Variants in CKAP4 observed in about 807,000 individuals in gnomAD.
CKAP4 encodes cytoskeleton associated protein 4.
CKAP4 carries 20 observed loss-of-function variants against 24.4 expected under a neutral mutation model. The ratio of observed to expected loss-of-function variants is 0.82; its 90% CI spans 0.58 to 1.19. The LOEUF (loss-of-function observed/expected upper bound fraction) is 1.19. Among genes scored for constraint, CKAP4 ranks in the 50% most tolerant of loss-of-function variants. The probability of loss-of-function intolerance (pLI) is 0.00; values close to 1 mark genes in which losing one functional copy is unlikely to be tolerated. For missense variants in CKAP4, 744 were observed against 765.3 expected, an observed-to-expected ratio of 0.97 and a Z score of 0.33; for synonymous variants, 378 against 351.7, an observed-to-expected ratio of 1.07 and a Z score of -0.84.
Position 106,239,000 on chromosome 12 carries a change from C to T in CKAP4, c.*24G>A. On this transcript the variant is annotated 3_prime_UTR_variant, in exon 2 of 2. Transcript: ENST00000378026. ...GGTCATGAGAAATTGGACTTTAAAT[C>T]CGCGCCCTGCACACGCAATTCATTT... 1 of 1,600,902 alleles carries T rather than the reference C, an allele frequency of 6.2e-7. No individual in the cohort carries two copies. Among genetic ancestry groups the T allele is most frequent in the Non-Finnish European group, 8.5e-7 (1 of 1,170,240 alleles).
At chr12:106,244,223 G>C (rs1330224504) in intron 1 of CKAP4, among the ~76,000 whole-genome samples, 1 of 152,232 alleles carries the variant, frequency 6.6e-6, no homozygotes, top group Non-Finnish European at 1.5e-5. Flanking sequence ...AGGCTAAATA[G>C]TGGAGTGGTT....
Position 106,237,994 on chromosome 12 carries a change from T to TTG in CKAP4, c.*1029_*1030insCA, listed in dbSNP as rs2033922602. 1 of 82,650 alleles carries TTG rather than the reference T, an allele frequency of 1.2e-5. No individual in the cohort carries two copies. The highest frequency in any genetic ancestry group is 3.1e-4 in the South Asian group (1 of 3,268). The allele number at this position is 82,650 out of a possible 1,614,324, so 5.1% of individuals were successfully genotyped here. ...TTTTTTTTTTTTTTACTTTTCGGGT[T>TTG]TTTTTTTTTTTTTTTTTTTCAATTT... On this transcript the variant is annotated 3_prime_UTR_variant, in exon 2 of 2. Transcript: ENST00000378026.
At position 106,239,115 on chromosome 12, in the gene CKAP4, T is replaced by C. The variant is rs751047592; in HGVS notation, c.1718A>G (p.Asn573Ser). 1.2e-6 allele frequency: 2 copies of C among 1,614,050 alleles called. No homozygotes were observed. The highest frequency in any genetic ancestry group is 1.7e-5 in the Admixed American group (1 of 60,028). Residue 573 changes from asparagine (N) to serine (S), a missense_variant, in exon 2 of 2, where the codon AAT becomes AGT. Asn to Ser is a conservative substitution (Grantham distance 46, BLOSUM62 1). Around this residue, in one of 3 missense-constraint regions of CKAP4, gnomAD observed 401 missense variants for 424.5 expected, o/e 0.94. Coordinates refer to ENST00000378026, the MANE Select transcript of CKAP4 (RefSeq NM_006825.4). The surrounding 1 kb of genome is among the most constrained non-coding windows in gnomAD (Gnocchi z 4.9). ...YSVKIETNEN[N>S]LESAKGLLDD... ...TAGTAAACCCTTGGCTGATTCCAGA[T>C]TGTTCTCGTTGGTTTCTATTTTGAC...
intron 1 of CKAP4, among the ~76,000 whole-genome samples, chr12:106,245,447 C>G (rs2034000684): frequency 6.6e-6 from 1 of 152,152 alleles, no homozygotes; most frequent in Non-Finnish European, 1.5e-5. Flanking sequence ...TCATTATACT[C>G]CAGCAGTATG....
Position 106,241,401 on chromosome 12 carries a change from C to T in CKAP4, c.484-1052G>A, listed in dbSNP as rs569880268. On this transcript the variant is annotated intron_variant, in intron 1 of 1. Transcript: ENST00000378026. Reference sequence around the variant, plus strand: ...AGGCTGGAGTGCAGTGGCGGGATCTCGGCTCACTGCAAGCTCCGCCTCCCG... The same window carrying T: ...AGGCTGGAGTGCAGTGGCGGGATCTTGGCTCACTGCAAGCTCCGCCTCCCG... 6.1e-3 allele frequency among the ~76,000 whole-genome samples: 886 copies of T among 144,218 alleles called. 6 individuals carry two copies. The highest frequency in any genetic ancestry group is 8.8e-3 in the Non-Finnish European group (589 of 67,036). 94.6% of individuals were successfully genotyped at this position (144,218 alleles called of 152,430 possible).
Position 106,247,822 on chromosome 12 carries a change from C to T in CKAP4, c.30G>A (p.Lys10=). 4.8e-6 allele frequency: 5 copies of T among 1,048,958 alleles called. No individual in the cohort carries two copies. Among genetic ancestry groups the T allele is most frequent in the Non-Finnish European group, 5.7e-6 (5 of 874,884 alleles). The allele number at this position is 1,048,958 out of a possible 1,614,324, so 65.0% of individuals were successfully genotyped here. The change falls in exon 1 of 2, where the codon AAG becomes AAA. Residue 10 remains lysine, a synonymous_variant. Coordinates refer to ENST00000378026, the MANE Select transcript of CKAP4 (RefSeq NM_006825.4). This position sits in a 1 kb window ranked among gnomAD's most constrained non-coding sequence, Gnocchi z 4.5. Reference sequence around the variant, plus strand: ...AGGGGCTCGCGGCGCCGTGGCCGCCCTTGGAGCCCCTTTGTTTGGCCGAGG... The same window carrying T: ...AGGGGCTCGCGGCGCCGTGGCCGCCTTTGGAGCCCCTTTGTTTGGCCGAGG... MPSAKQRGS[K]GGHGAASPSE... is the part of the protein sequence containing the mutation.
intron 1 of CKAP4, among the ~76,000 whole-genome samples, chr12:106,244,478 CTAAAT>C (rs1247493445): frequency 6.6e-6 from 1 of 152,192 alleles, no homozygotes; most frequent in African/African-American, 2.4e-5. Flanking sequence ...GATTACACTA[CTAAAT>C]TAAAAGAAAA....
At chr12:106,241,105 A>G (rs1018015161) in intron 1 of CKAP4, among the ~76,000 whole-genome samples, 2 of 152,174 alleles carry the variant, frequency 1.3e-5, no homozygotes, top group Non-Finnish European at 2.9e-5. Flanking sequence ...TTAAAAAATA[A>G]ATAAAATTTT....
Position 106,247,994 on chromosome 12 carries a change from G to T in CKAP4, c.-143C>A. ...CGTCGGAGCGGCGAGAGGACGCGCG[G>T]CCGGGGAAGGAGGCCGGGCCGAGGA... On this transcript the variant is annotated 5_prime_UTR_variant, in exon 1 of 2. Coordinates refer to ENST00000378026, the MANE Select transcript of CKAP4 (RefSeq NM_006825.4). This position sits in a 1 kb window ranked among gnomAD's most constrained non-coding sequence, Gnocchi z 4.5. 2 of 398,438 alleles carry T rather than the reference G, an allele frequency of 5.0e-6. No individual in the cohort carries two copies. The highest frequency in any genetic ancestry group is 2.2e-5 in the African/African-American group (1 of 45,594). 24.7% of individuals were successfully genotyped at this position (398,438 alleles called of 1,614,324 possible).
Position 106,240,168 on chromosome 12 carries a change from A to G in CKAP4, c.665T>C (p.Val222Ala). The G allele has an allele frequency of 6.2e-7, 1 of 1,614,134 alleles. No homozygotes were observed. Among genetic ancestry groups the G allele is most frequent in the South Asian group, 1.1e-5 (1 of 91,076 alleles). Residue 222 changes from valine (V) to alanine (A), a missense_variant, in exon 2 of 2, where the codon GTG becomes GCG. Coordinates refer to ENST00000378026, the MANE Select transcript of CKAP4 (RefSeq NM_006825.4). The part of the protein sequence containing the change: ...LKDLSDGIHV[V>A]KDARERDFTS... ...GAAGTCCCGCTCCCGGGCGTCCTTC[A>G]CCACATGGATCCCATCCGAGAGGTC...
chr12:106,239,914 T>C lies in CKAP4; in HGVS notation c.919A>G (p.Met307Val), dbSNP rs763436975. Residue 307 changes from methionine to valine, a missense_variant, in exon 2 of 2, where the codon ATG becomes GTG. Physicochemically the swap from Met to Val is conservative, Grantham distance 21. This residue lies in a region of CKAP4 where 401 missense variants were observed against 424.5 expected (regional missense o/e 0.94). Coordinates refer to ENST00000378026, the MANE Select transcript of CKAP4 (RefSeq NM_006825.4). This position sits in a 1 kb window ranked among gnomAD's most constrained non-coding sequence, Gnocchi z 4.9. ...TGAAGGGTACTTCTCAGGGCCTCCA[T>C]GTCCCACTCTCTGGACTTGGCTGAG... Reference protein sequence around the residue: ...QTSAKSREWDMEALRSTLQTM... With the variant: ...QTSAKSREWDVEALRSTLQTM... The C allele has an allele frequency of 4.6e-5, 74 of 1,614,144 alleles. No homozygotes were observed. Among genetic ancestry groups the C allele is most frequent in the Non-Finnish European group, 6.0e-5 (71 of 1,180,020 alleles).
At chr12:106,242,446 T>C (rs60738914) in intron 1 of CKAP4, among the ~76,000 whole-genome samples, 1 of 152,220 alleles carries the variant, frequency 6.6e-6, no homozygotes, top group African/African-American at 2.4e-5. Context: ...TCTGTAAGCA[T>C]GAAGAGTCAC....
chr12:106,242,187 T>C (rs1792573925), intron 1 of CKAP4, among the ~76,000 whole-genome samples: 1 of 152,252 alleles, frequency 6.6e-6, no homozygotes, highest in South Asian at 2.1e-4. Flanking sequence ...CGGACTCATA[T>C]GATTGTCTGT....
At chr12:106,240,862 T>C (rs944970025) in intron 1 of CKAP4, among the ~76,000 whole-genome samples, 4 of 152,028 alleles carry the variant, frequency 2.6e-5, no homozygotes, top group African/African-American at 9.7e-5. Flanking sequence ...AGCAGGAAAC[T>C]TACAGACTGA....
intron 1 of CKAP4, among the ~76,000 whole-genome samples, chr12:106,245,217 C>A (rs1303181973): frequency 6.6e-6 from 1 of 152,072 alleles, no homozygotes; most frequent in African/African-American, 2.4e-5. Flanking sequence ...ACTACCCTGG[C>A]CACCGGGATA....
At position 106,247,227 on chromosome 12, in the gene CKAP4, G is replaced by A. The variant is rs1019868142; in HGVS notation, c.483+142C>T. 22 of 661,410 alleles carry A rather than the reference G, an allele frequency of 3.3e-5. No individual in the cohort carries two copies. Among genetic ancestry groups the A allele is most frequent in the Non-Finnish European group, 4.6e-5 (19 of 416,430 alleles). 41.0% of individuals were successfully genotyped at this position (661,410 alleles called of 1,614,324 possible). A position where few individuals can be genotyped will look rare whatever the true frequency, so the allele number is the denominator to read the frequency against. On this transcript the variant is annotated intron_variant, in intron 1 of 1. Transcript: ENST00000378026. The surrounding 1 kb of genome is among the most constrained non-coding windows in gnomAD (Gnocchi z 4.5). ...CGTGGAGTGGGATGTCTAGGCCAGG[G>A]CCCGCCAAGGAGGAGCGGCCGGCTC...
rs2034034331 is a variant in CKAP4 at position 106,248,006 on chromosome 12, G to C, written c.-155C>G. On this transcript the variant is annotated 5_prime_UTR_variant, in exon 1 of 2. Transcript: ENST00000378026. ...GAGAGGACGCGCGGCCGGGGAAGGA[G>C]GCCGGGCCGAGGAGGCGGGAGGAGG... The C allele has an allele frequency of 3.0e-6, 1 of 328,690 alleles. No individual in the cohort carries two copies. The highest frequency in any genetic ancestry group is 4.4e-6 in the Non-Finnish European group (1 of 227,810). 20.4% of individuals were successfully genotyped at this position (328,690 alleles called of 1,614,324 possible).
At position 106,247,585 on chromosome 12, in the gene CKAP4, A is replaced by G. The variant is rs371991101; in HGVS notation, c.267T>C (p.Ala89=). ...CCGAGGACGAGGCGGCGGCGGCGGC[A>G]GCGGCGGCGGAGGCGGAGGAGGAGG... The part of the protein sequence containing the change: ...SSSSSSASAA[A]AAAAASSSAS... The change falls in exon 1 of 2, where the codon GCT becomes GCC. Residue 89 remains alanine (A), a synonymous_variant. Transcript: ENST00000378026. This position sits in a 1 kb window ranked among gnomAD's most constrained non-coding sequence, Gnocchi z 4.5. 173 of 1,337,398 alleles carry G rather than the reference A, an allele frequency of 1.3e-4. No individual in the cohort carries two copies. Among genetic ancestry groups the G allele is most frequent in the Middle Eastern group, 8.6e-4 (3 of 3,492 alleles). 82.8% of individuals were successfully genotyped at this position (1,337,398 alleles called of 1,614,324 possible). A position where few individuals can be genotyped will look rare whatever the true frequency, so the allele number is the denominator to read the frequency against.
rs1040360540 is a variant in CKAP4, at chr12:106,238,571, T to C, written c.*453A>G. 6.3e-6 allele frequency: 1 copy of C among 159,852 alleles called. No individual in the cohort carries two copies. Among genetic ancestry groups the C allele is most frequent in the East Asian group, 1.8e-4 (1 of 5,444 alleles). 9.9% of individuals were successfully genotyped at this position (159,852 alleles called of 1,614,324 possible). The stretch of plus-strand genomic sequence containing the variant: ...TTCAAAGTGGAAGACAAGTGAGAGA[T>C]ATCTCATAAAAATTTCGGCCAGAAC... On this transcript the variant is annotated 3_prime_UTR_variant, in exon 2 of 2. Coordinates refer to ENST00000378026, the MANE Select transcript of CKAP4 (RefSeq NM_006825.4).
Sources: gnomAD v4.1 joint callset for allele counts (sites outside exome capture counted in the v4.1 genomes callset) on GRCh38, gnomAD v4.1.1 for gene constraint, gnomAD v4.1.1 regional missense constraint, Gnocchi (gnomAD v3.1) non-coding constraint, MANE v1.5 for transcripts, NCBI Gene and HGNC (gene_info 2026-07-23, HGNC 2026-07-21) for gene names.